The following MDGA1 variants were observed in gnomAD, a reference collection of about 807,000 sequenced individuals.
MDGA1 encodes the protein MAM domain-containing glycosylphosphatidylinositol anchor protein 1.
Under a neutral mutation model 101.5 loss-of-function variants are expected in MDGA1, and 54 were observed. That is an observed-to-expected ratio of 0.53 (90% CI 0.43 to 0.67). MDGA1 has a LOEUF of 0.67. Among genes scored for constraint, MDGA1 ranks in the 30% least tolerant of loss-of-function variants. The probability of loss-of-function intolerance (pLI) is 0.00; values close to 1 mark genes in which losing one functional copy is unlikely to be tolerated. For synonymous variants in MDGA1, 533 were observed against 558.3 expected (o/e 0.95, Z 0.64); for missense variants, 1,083 against 1,323.8 (o/e 0.82, Z 2.82).
In MDGA1 at chr6:37,658,252, G is replaced by A. The variant is rs764457473; in HGVS notation, c.375C>T (p.Asp125=). ...GVPAIKSIRV[D]VQYLDEPMLT... The stretch of plus-strand genomic sequence containing the variant: ...GAGGGGGCCTCAACTCACACTGCAC[G>A]TCCACGCGGATGGACTTGATGGCCG... Residue 125 remains aspartate, a synonymous_variant, in exon 3 of 17, where the codon GAC becomes GAT. Transcript: ENST00000434837. The A allele has an allele frequency of 3.8e-6, 6 of 1,596,602 alleles. No individual in the cohort carries two copies. The South Asian group carries it at 4.5e-5, about 12-fold the overall frequency.
rs755011484 is a variant in MDGA1 at position 37,647,340 on chromosome 6, G to C, written c.1895-16C>G. 1.3e-6 allele frequency: 2 copies of C among 1,506,792 alleles called. No homozygotes were observed. Among genetic ancestry groups the C allele is most frequent in the Admixed American group, 4.0e-5 (2 of 49,656 alleles). 93.3% of individuals were successfully genotyped at this position (1,506,792 alleles called of 1,614,324 possible). A position where few individuals can be genotyped will look rare whatever the true frequency, so the allele number is the denominator to read the frequency against. ...TAGGCTTTGGCTAAGAGGGCGGGGA[G>C]GGGGGCATTGGGCCGTGGAGGGTGC... On this transcript the variant is annotated splice_polypyrimidine_tract_variant and intron_variant, in intron 9 of 16. Transcript: ENST00000434837.
At chr6:37,686,793 T>C (rs1439154707) in intron 1 of MDGA1, among the ~76,000 whole-genome samples, 2 of 152,050 alleles carry the variant, frequency 1.3e-5, no homozygotes, top group Non-Finnish European at 2.9e-5. Context: ...ACCACCACCA[T>C]GAGAAGAGCA....
In MDGA1 at chr6:37,674,697, T is replaced by A. The variant is rs185687838; in HGVS notation, c.68-10591A>T. The stretch of plus-strand genomic sequence containing the variant: ...AGGAAAGCCCTTTAATGAGGACTTT[T>A]AGGTCTCCTGATGAAAACTATAAAG... On this transcript the variant is annotated intron_variant, in intron 1 of 16. Transcript: ENST00000434837. Among the ~76,000 whole-genome samples, 246 of 152,332 alleles carry A rather than the reference T, an allele frequency of 1.6e-3. 2 individuals are homozygous for A. Among genetic ancestry groups the A allele is most frequent in the Non-Finnish European group, 3.1e-3 (213 of 68,014 alleles).
intron 8 of MDGA1, chr6:37,649,773 T>C (rs1215487921): frequency 3.8e-6 from 2 of 522,424 alleles, no homozygotes; most frequent in Non-Finnish European, 7.2e-6. Flanking sequence ...GTTTGGCACA[T>C]GGTGGTAATT....
At chr6:37,688,705 G>A (rs6936811) in intron 1 of MDGA1, among the ~76,000 whole-genome samples, 12,766 of 152,236 alleles carry the variant, frequency 0.084, 883 homozygotes, top group East Asian at 0.37. Context: ...GTGAAACGGA[G>A]TCCCCATAGT....
In MDGA1 at chr6:37,682,043, T is replaced by TCA. The variant is rs148671514; in HGVS notation, c.67+14700_67+14701dup. ...CCCCTGCTTACTACCCTTGCCCACA[T>TCA]CACACACACACACACCCCTCTGCAA... On this transcript the variant is annotated intron_variant, in intron 1 of 16. Transcript: ENST00000434837. Among the ~76,000 whole-genome samples the TCA allele has an allele frequency of 4.1e-3, 616 of 151,532 alleles. 8 individuals carry two copies. The highest frequency in any genetic ancestry group is 0.011 in the African/African-American group (463 of 41,318).
At position 37,637,135 on chromosome 6, in the gene MDGA1, G is replaced by A; in HGVS notation, c.*233C>T. On this transcript the variant is annotated 3_prime_UTR_variant, in exon 17 of 17. Coordinates refer to ENST00000434837, the MANE Select transcript of MDGA1 (RefSeq NM_153487.4). Reference sequence around the variant, plus strand: ...GAAACTTGTGCTTTAATATATCTCTGTGTGTGTGAGCATGAGTGTGTGCGT... The same window carrying A: ...GAAACTTGTGCTTTAATATATCTCTATGTGTGTGAGCATGAGTGTGTGCGT... 1 of 478,606 alleles carries A rather than the reference G, an allele frequency of 2.1e-6. No homozygotes were observed. Among genetic ancestry groups the A allele is most frequent in the South Asian group, 3.5e-5 (1 of 28,276 alleles). 29.6% of individuals were successfully genotyped at this position (478,606 alleles called of 1,614,324 possible).
chr6:37,638,671 C>T lies in MDGA1; in HGVS notation c.2537-4G>A, dbSNP rs781642860. On this transcript the variant is annotated splice_region_variant and splice_polypyrimidine_tract_variant and intron_variant, in intron 14 of 16. Transcript: ENST00000434837. This position sits in a 1 kb window ranked among gnomAD's most constrained non-coding sequence, Gnocchi z 4.8. ...CGCACCAGGAGGTTGAGGGAGCCTGCGGTGGGTGTGAAGACAGTGGGCAGT... is the reference window on the plus strand; with the variant it reads ...CGCACCAGGAGGTTGAGGGAGCCTGTGGTGGGTGTGAAGACAGTGGGCAGT... 21 of 1,610,730 alleles carry T rather than the reference C, an allele frequency of 1.3e-5. No individual in the cohort carries two copies. Among genetic ancestry groups the T allele is most frequent in the East Asian group, 1.1e-4 (5 of 44,792 alleles).
intron 2 of MDGA1, among the ~76,000 whole-genome samples, chr6:37,659,457 T>C (rs966935808): frequency 5.3e-5 from 8 of 152,246 alleles, no homozygotes; most frequent in African/African-American, 1.7e-4. Context: ...TATAGAAAAA[T>C]ATCAAGGATT....
intron 14 of MDGA1, among the ~76,000 whole-genome samples, chr6:37,642,091 G>GA (rs1764097884): frequency 6.6e-6 from 1 of 150,576 alleles, no homozygotes; most frequent in African/African-American, 2.4e-5. Flanking sequence ...AATTCAGAGG[G>GA]AAAAAGCAAG....
At chr6:37,681,000 C>A (rs902177047) in intron 1 of MDGA1, among the ~76,000 whole-genome samples, 6 of 152,066 alleles carry the variant, frequency 3.9e-5, no homozygotes, top group African/African-American at 1.2e-4. Flanking sequence ...TCCTCAGCCC[C>A]CCCCCCCCAG....
chr6:37,682,844 T>C (rs965752479), intron 1 of MDGA1, among the ~76,000 whole-genome samples: 5 of 152,144 alleles, frequency 3.3e-5, no homozygotes, highest in Non-Finnish European at 7.4e-5. Flanking sequence ...GAGAGAAATA[T>C]ACAACAGGGT....
chr6:37,679,231 TG>T (rs1762043619), intron 1 of MDGA1, among the ~76,000 whole-genome samples: 1 of 151,412 alleles, frequency 6.6e-6, no homozygotes, highest in African/African-American at 2.4e-5. Context: ...ATCGAGTAGG[TG>T]GGGGGAGAAA....
chr6:37,694,040 G>A (rs947830766), intron 1 of MDGA1, among the ~76,000 whole-genome samples: 1 of 152,158 alleles, frequency 6.6e-6, no homozygotes, highest in Non-Finnish European at 1.5e-5. Context: ...CGTCAGGTTC[G>A]CTCTCCACCG....
At chr6:37,695,727 GA>G (rs1762402656) in intron 1 of MDGA1, among the ~76,000 whole-genome samples, 2 of 152,164 alleles carry the variant, frequency 1.3e-5, no homozygotes, top group Admixed American at 1.3e-4. Flanking sequence ...CCACCCAACA[GA>G]AAAGGAAAGA....
chr6:37,685,839 C>A (rs2114100709), intron 1 of MDGA1, among the ~76,000 whole-genome samples: 1 of 152,252 alleles, frequency 6.6e-6, no homozygotes. Context: ...ATCTTCAGAG[C>A]AGCCAGGACC....
intron 14 of MDGA1, chr6:37,643,452 A>G (rs555115653): frequency 2.8e-4 from 53 of 191,174 alleles, no homozygotes; most frequent in African/African-American, 1.2e-3. Flanking sequence ...TTGTATTTTT[A>G]GTAGAGACGG....
chr6:37,681,469 A>C (rs937187492), intron 1 of MDGA1, among the ~76,000 whole-genome samples: 3 of 152,132 alleles, frequency 2.0e-5, no homozygotes, highest in African/African-American at 4.8e-5. Flanking sequence ...GGCCATCTGG[A>C]GGGGCAGCGA....
Position 37,631,751 on chromosome 6 carries a change from A to G in MDGA1, c.*5617T>C, listed in dbSNP as rs533927263. The G allele has an allele frequency of 6.6e-6, 1 of 152,290 alleles. No homozygotes were observed. The highest frequency in any genetic ancestry group is 1.5e-5 in the Non-Finnish European group (1 of 68,010). The allele number at this position is 152,290 out of a possible 1,614,324, so 9.4% of individuals were successfully genotyped here. On this transcript the variant is annotated 3_prime_UTR_variant, in exon 17 of 17. Coordinates refer to ENST00000434837, the MANE Select transcript of MDGA1 (RefSeq NM_153487.4). ...GACCTCCTAGCTCTGAAATTCTAGAATTCTGAGAGGTCTGGGGTAAAGGGA... is the reference window on the plus strand; with the variant it reads ...GACCTCCTAGCTCTGAAATTCTAGAGTTCTGAGAGGTCTGGGGTAAAGGGA...
Sources: allele counts gnomAD v4.1 joint callset (sites outside exome capture counted in the v4.1 genomes callset), GRCh38; gene constraint gnomAD v4.1.1; non-coding constraint Gnocchi (gnomAD v3.1); transcripts MANE v1.5; gene names NCBI Gene and HGNC (gene_info 2026-07-23, HGNC 2026-07-21).